The following SLC4A5 variants were observed in gnomAD, a reference collection of about 807,000 sequenced individuals.
The protein encoded by SLC4A5 is electrogenic sodium bicarbonate cotransporter 4.
SLC4A5 carries 96 observed loss-of-function variants against 120.4 expected under a neutral mutation model. The ratio of observed to expected loss-of-function variants is 0.80; its 90% confidence interval spans 0.68 to 0.94. SLC4A5 has a LOEUF of 0.94. Ranked by LOEUF, SLC4A5 falls within the 40% of genes least tolerant of loss-of-function variation. The pLI, the probability that SLC4A5 is intolerant of heterozygous loss-of-function variation, is 0.00. For missense variants in SLC4A5, 1,259 were observed against 1,459.5 expected, an observed-to-expected ratio of 0.86 and a Z score of 2.24; for synonymous variants, 550 against 571.1, an observed-to-expected ratio of 0.96 and a Z score of 0.53.
At chr2:74,256,346 G>A (rs1573033110) in intron 12 of SLC4A5, among the ~76,000 whole-genome samples, 1 of 152,194 alleles carries the variant, frequency 6.6e-6, no homozygotes, top group African/African-American at 2.4e-5. Context: ...TTCACTTTTG[G>A]TAGCTGTGGG....
At chr2:74,331,041 T>G (rs199919397) in intron 4 of SLC4A5, among the ~76,000 whole-genome samples, 86 of 130,338 alleles carry the variant, frequency 6.6e-4, no homozygotes, top group Middle Eastern at 5.6e-3. Flanking sequence ...GGTGTGTGGT[T>G]TAGGTGTAGG....
rs148144810 is a variant in SLC4A5 at position 74,228,677 on chromosome 2, C to CAA, written c.2848-801_2848-800dup. On this transcript the variant is annotated intron_variant, in intron 25 of 30. Coordinates refer to ENST00000394019, the Ensembl canonical transcript of SLC4A5. ...AAACCCCCCCGCCCCCCAAAAAAAC[C>CAA]AAAAAAAAACAGAAATCATGCCTCA... 1.3e-3 allele frequency among the ~76,000 whole-genome samples: 131 copies of CAA among 102,496 alleles called. 1 individual carries two copies. Among genetic ancestry groups the CAA allele is most frequent in the African/African-American group, 3.9e-3 (129 of 33,358 alleles). The allele number at this position is 102,496 out of a possible 152,430, so 67.2% of individuals were successfully genotyped here.
In SLC4A5 at chr2:74,250,738, G is replaced by A. The variant is rs183413329; in HGVS notation, c.1479-221C>T. On this transcript the variant is annotated intron_variant, in intron 16 of 30. Coordinates refer to ENST00000394019, the Ensembl canonical transcript of SLC4A5. ...ACATTGGGAAGGGTGGACATAGAGG[G>A]TTTTGGAGAGGGAAAGTCTGATGGG... is the stretch of plus-strand genomic sequence containing the variant. The A allele has an allele frequency of 5.8e-5, 31 of 536,444 alleles. No individual in the cohort carries two copies. In the East Asian group the frequency reaches 9.3e-4, roughly 16 times the overall value. The allele number at this position is 536,444 out of a possible 1,614,324, so 33.2% of individuals were successfully genotyped here.
At chr2:74,221,465 A>G in exon 30 of SLC4A5, 3 of 1,614,098 alleles carry the variant, frequency 1.9e-6, no homozygotes, top group Non-Finnish European at 2.5e-6. Context: ...CTGAAGGAAG[A>G]ATCAGAGTGA....
At chr2:74,304,497 CTGA>C (rs1672575385) in exon 7 of SLC4A5, 6 of 1,610,952 alleles carry the variant, frequency 3.7e-6, no homozygotes, top group Non-Finnish European at 5.1e-6. Context: ...ACGAGTCCTG[CTGA>C]TAAGATCCAT....
At chr2:74,221,214 TTGTG>T (rs1361132833) in intron 30 of SLC4A5, among the ~76,000 whole-genome samples, 1 of 152,192 alleles carries the variant, frequency 6.6e-6, no homozygotes, top group Admixed American at 6.5e-5. Flanking sequence ...TTGAATACCT[TTGTG>T]TGTTGTAACC....
At chr2:74,342,422 G>C (rs1673648938) in intron 2 of SLC4A5, 36 bp downstream of exon 2, 1 of 152,220 alleles carries the variant, frequency 6.6e-6, no homozygotes. Flanking sequence ...TCCTTAGACT[G>C]GTCCATCCAA....
chr2:74,227,047 C>T (rs751011967), exon 27 of SLC4A5: 2 of 1,614,150 alleles, frequency 1.2e-6, no homozygotes, highest in Non-Finnish European at 1.7e-6. Flanking sequence ...AGAGGTGGAT[C>T]CGGCGCAGCG....
chr2:74,221,271 T>C (rs1320450618), intron 30 of SLC4A5, among the ~76,000 whole-genome samples, 163 bp downstream of exon 30: 1 of 152,266 alleles, frequency 6.6e-6, no homozygotes, highest in Non-Finnish European at 1.5e-5. Context: ...TTCTTGGCCC[T>C]GAATGATGAG....
chr2:74,253,426 A>G (rs1242528180), intron 14 of SLC4A5, among the ~76,000 whole-genome samples: 1 of 152,198 alleles, frequency 6.6e-6, no homozygotes, highest in East Asian at 1.9e-4. Flanking sequence ...CACATCATAC[A>G]TATTAGAAAA....
intron 22 of SLC4A5, among the ~76,000 whole-genome samples, chr2:74,234,494 G>A (rs1014667527): frequency 6.6e-6 from 1 of 152,168 alleles, no homozygotes; most frequent in East Asian, 1.9e-4. Context: ...GCTCTTATGA[G>A]GGAGTAGGGC....
chr2:74,227,750 T>A (rs1694900525), intron 26 of SLC4A5, 60 bp downstream of exon 26: 1 of 1,463,740 alleles, frequency 6.8e-7, no homozygotes, highest in East Asian at 2.4e-5. Flanking sequence ...CTTGGTGACA[T>A]GGAACCAGAC....
intron 7 of SLC4A5, among the ~76,000 whole-genome samples, chr2:74,301,609 T>A (rs1672477383): frequency 6.6e-6 from 1 of 152,236 alleles, no homozygotes; most frequent in African/African-American, 2.4e-5. Context: ...CAGACAATTA[T>A]CCAGATGAGG....
intron 12 of SLC4A5, among the ~76,000 whole-genome samples, chr2:74,257,089 T>C (rs1466557596): frequency 1.3e-5 from 2 of 152,166 alleles, no homozygotes; most frequent in East Asian, 3.9e-4. Context: ...GCTATGGGCA[T>C]GGATATGGTC....
At chr2:74,272,603 C>A (rs1229903672) in intron 8 of SLC4A5, among the ~76,000 whole-genome samples, 1 of 152,158 alleles carries the variant, frequency 6.6e-6, no homozygotes, top group African/African-American at 2.4e-5. Flanking sequence ...TGGGTGTAGA[C>A]CCCCAACTCT....
At chr2:74,323,388 C>G (rs968062609) in intron 5 of SLC4A5, among the ~76,000 whole-genome samples, 19 of 152,164 alleles carry the variant, frequency 1.2e-4, no homozygotes, top group African/African-American at 4.6e-4. Flanking sequence ...TTTTACTTCT[C>G]TTTCATAACT....
At position 74,290,619 on chromosome 2, in the gene SLC4A5, A is replaced by AAGAGAGAGAGAGAGAGAGAG. The variant is rs1573067714; in HGVS notation, c.272-4718_272-4717insCTCTCTCTCTCTCTCTCTCT. ...GAGAGAGACAGAGAGAGAGACAGAGAAGTGAGAGAGAGAGAGAGAGAGAGA... is the reference window on the plus strand; with the variant it reads ...GAGAGAGACAGAGAGAGAGACAGAGAAGAGAGAGAGAGAGAGAGAGAGTGAGAGAGAGAGAGAGAGAGAGA... On this transcript the variant is annotated intron_variant, in intron 7 of 30. Transcript: ENST00000394019. The AAGAGAGAGAGAGAGAGAGAG allele has an allele frequency of 7.7e-6, 7 of 910,572 alleles. No homozygotes were observed. In the Admixed American group the frequency reaches 6.0e-4, roughly 78 times the overall value. The allele number at this position is 910,572 out of a possible 1,614,324, so 56.4% of individuals were successfully genotyped here. A position where few individuals can be genotyped will look rare whatever the true frequency, so the allele number is the denominator to read the frequency against.
chr2:74,336,563 G>T (rs1370060364), intron 3 of SLC4A5, among the ~76,000 whole-genome samples: 1 of 152,122 alleles, frequency 6.6e-6, no homozygotes, highest in Admixed American at 6.5e-5. Flanking sequence ...GCAGTGCTTG[G>T]CAAGTAGAAG....
At chr2:74,320,123 C>T (rs1350810163) in intron 5 of SLC4A5, among the ~76,000 whole-genome samples, 1 of 151,948 alleles carries the variant, frequency 6.6e-6, no homozygotes, top group African/African-American at 2.4e-5. Flanking sequence ...AGAGATTAAA[C>T]AAATACTATG....
Sources: gnomAD v4.1 joint callset for allele counts (sites outside exome capture counted in the v4.1 genomes callset) on GRCh38, gnomAD v4.1.1 for gene constraint, MANE v1.5 for transcripts, NCBI Gene and HGNC (gene_info 2026-07-23, HGNC 2026-07-21) for gene names.